The following CDK14 variants were observed in gnomAD, a reference collection of about 807,000 sequenced individuals.
CDK14 encodes cyclin dependent kinase 14, also known as cyclin-dependent kinase 14.
A neutral mutation model predicts 60.7 loss-of-function variants in CDK14; 34 were observed. The ratio of observed to expected loss-of-function variants is 0.56; its 90% confidence interval spans 0.43 to 0.75. The LOEUF (loss-of-function observed/expected upper bound fraction) is 0.75. Ranked by LOEUF, CDK14 falls within the 30% of genes least tolerant of loss-of-function variation. The pLI is 0.00. For synonymous variants in CDK14, 197 were observed against 203.7 expected, an observed-to-expected ratio of 0.97 and a Z score of 0.28; for missense variants, 482 against 564.1, an observed-to-expected ratio of 0.85 and a Z score of 1.47.
chr7:91,108,636 C>T (rs1799382208), intron 12 of CDK14, among the ~76,000 whole-genome samples: 1 of 152,132 alleles, frequency 6.6e-6, no homozygotes, highest in South Asian at 2.1e-4. Context: ...TTATAACTGC[C>T]ACATTTAAAA....
At chr7:90,850,199 A>C (rs914900150) in intron 5 of CDK14, among the ~76,000 whole-genome samples, 1 of 150,624 alleles carries the variant, frequency 6.6e-6, no homozygotes, top group Non-Finnish European at 1.5e-5. Context: ...ATTCAGGGTG[A>C]ACTGAATGCA....
At chr7:90,819,086 G>A (rs1364970344) in intron 5 of CDK14, among the ~76,000 whole-genome samples, 2 of 152,000 alleles carry the variant, frequency 1.3e-5, no homozygotes, top group African/African-American at 2.4e-5. Flanking sequence ...TTTAAGTACA[G>A]TGATATATTG....
At chr7:90,623,049 T>C (rs1343098232) in intron 2 of CDK14, among the ~76,000 whole-genome samples, 4 of 151,002 alleles carry the variant, frequency 2.6e-5, no homozygotes, top group Non-Finnish European at 4.4e-5. Flanking sequence ...TAGCATGCCA[T>C]TTGTCAGCTC....
intron 5 of CDK14, among the ~76,000 whole-genome samples, chr7:90,812,985 T>C (rs1450519516): frequency 6.6e-6 from 1 of 152,234 alleles, no homozygotes; most frequent in Admixed American, 6.5e-5. Flanking sequence ...CCAGTATTAT[T>C]ATGCAGAATA....
intron 12 of CDK14, among the ~76,000 whole-genome samples, chr7:91,099,000 A>G (rs919799837): frequency 6.6e-6 from 1 of 152,174 alleles, no homozygotes; most frequent in Non-Finnish European, 1.5e-5. Context: ...GATTAAAGAT[A>G]TATTTTTTCT....
At chr7:91,188,973 G>A (rs1329538799) in intron 14 of CDK14, among the ~76,000 whole-genome samples, 2 of 152,124 alleles carry the variant, frequency 1.3e-5, no homozygotes, top group African/African-American at 2.4e-5. Flanking sequence ...TGTGTCTTAT[G>A]TGTTTGTAAT....
intron 5 of CDK14, among the ~76,000 whole-genome samples, chr7:90,802,447 C>T (rs948324999): frequency 6.6e-6 from 1 of 152,108 alleles, no homozygotes; most frequent in Non-Finnish European, 1.5e-5. Flanking sequence ...TAGAGATTAC[C>T]TTGTCCAGGG....
intron 2 of CDK14, among the ~76,000 whole-genome samples, chr7:90,713,443 C>G (rs1802134559): frequency 2.0e-5 from 3 of 149,526 alleles, no homozygotes; most frequent in Admixed American, 6.7e-5. Context: ...TTCTATCCCC[C>G]TAACTGTTTT....
intron 13 of CDK14, among the ~76,000 whole-genome samples, chr7:91,117,279 A>C (rs534315657): frequency 1.3e-5 from 2 of 151,514 alleles, no homozygotes; most frequent in South Asian, 4.2e-4. Context: ...CTACCTTCAC[A>C]GTATATCCAG....
intron 2 of CDK14, among the ~76,000 whole-genome samples, chr7:90,666,749 GA>G (rs1326467740): frequency 3.3e-5 from 5 of 152,162 alleles, no homozygotes; most frequent in Non-Finnish European, 2.9e-5. Flanking sequence ...GTTCCTCTTT[GA>G]ATGGATTCCA....
At chr7:90,911,793 A>G (rs1792910511) in intron 7 of CDK14, among the ~76,000 whole-genome samples, 1 of 152,132 alleles carries the variant, frequency 6.6e-6, no homozygotes, top group South Asian at 2.1e-4. Context: ...GCTTTATATC[A>G]ACTTACTTTA....
chr7:90,751,689 A>G (rs1309854131), intron 4 of CDK14, among the ~76,000 whole-genome samples: 1 of 152,170 alleles, frequency 6.6e-6, no homozygotes, highest in Non-Finnish European at 1.5e-5. Flanking sequence ...TTGAATATAA[A>G]CTGACTAAAC....
chr7:90,639,140 C>T (rs1056215685), intron 2 of CDK14, among the ~76,000 whole-genome samples: 6 of 152,218 alleles, frequency 3.9e-5, no homozygotes, highest in Non-Finnish European at 7.3e-5. Context: ...TCGTCAAAGT[C>T]ATTCTCCTTC....
At chr7:90,815,880 A>G in intron 5 of CDK14, among the ~76,000 whole-genome samples, 1 of 151,928 alleles carries the variant, frequency 6.6e-6, no homozygotes, top group East Asian at 1.9e-4. Flanking sequence ...GAACACATGG[A>G]CACAGGGAGG....
intron 11 of CDK14, among the ~76,000 whole-genome samples, chr7:91,050,330 G>A (rs1406687778): frequency 6.6e-6 from 1 of 151,998 alleles, no homozygotes; most frequent in Non-Finnish European, 1.5e-5. Context: ...GGGGAGAGGC[G>A]ATGAAATGTA....
At chr7:90,901,541 A>G (rs1021089228) in intron 7 of CDK14, among the ~76,000 whole-genome samples, 1 of 152,006 alleles carries the variant, frequency 6.6e-6, no homozygotes, top group African/African-American at 2.4e-5. Flanking sequence ...GAAATCTTTG[A>G]TTTGTTGAGG....
chr7:91,168,604 T>C (rs984815224), intron 14 of CDK14, among the ~76,000 whole-genome samples: 5 of 152,194 alleles, frequency 3.3e-5, no homozygotes, highest in African/African-American at 9.7e-5. Flanking sequence ...AATTAAACAA[T>C]AGGTAATAAA....
intron 4 of CDK14, among the ~76,000 whole-genome samples, chr7:90,786,338 A>T (rs533886755): frequency 6.6e-6 from 1 of 152,278 alleles, no homozygotes; most frequent in East Asian, 1.9e-4. Context: ...TTAGCCTTTG[A>T]TTTAATTAAT....
intron 6 of CDK14, among the ~76,000 whole-genome samples, chr7:90,866,294 T>A (rs933317495): frequency 6.6e-6 from 1 of 151,208 alleles, no homozygotes; most frequent in African/African-American, 2.4e-5. Context: ...TAGCAAGTTC[T>A]AAAATCAGTA....
Sources: gnomAD v4.1 joint callset for allele counts (sites outside exome capture counted in the v4.1 genomes callset) on GRCh38, gnomAD v4.1.1 for gene constraint, MANE v1.5 for transcripts, NCBI Gene and HGNC (gene_info 2026-07-23, HGNC 2026-07-21) for gene names.